The following ZNF385A variants were observed in gnomAD, a reference collection of about 807,000 sequenced individuals.
The protein encoded by ZNF385A is zinc finger protein 385A, also known as hematopoietic zinc finger protein.
ZNF385A carries 14 observed loss-of-function variants against 32.1 expected under a neutral mutation model. That is an observed-to-expected ratio of 0.44 (90% CI 0.29 to 0.68). The LOEUF is 0.68. Among genes scored for constraint, ZNF385A ranks in the 30% least tolerant of loss-of-function variants. The pLI is 0.14. For synonymous variants in ZNF385A, 197 were observed against 202.7 expected (o/e 0.97, Z 0.24); for missense variants, 406 against 478.4 (o/e 0.85, Z 1.41).
At chr12:54,376,930 G>T (rs1049657363) in intron 1 of ZNF385A, among the ~76,000 whole-genome samples, 18 of 152,230 alleles carry the variant, frequency 1.2e-4, no homozygotes, top group African/African-American at 4.3e-4. Context: ...GAAGATTGGG[G>T]GATGGCTGGG....
In ZNF385A at chr12:54,384,166, T is replaced by C. The variant is rs185055835; in HGVS notation, c.87+262A>G. Reference sequence around the variant, plus strand: ...TTCTCTAGATGGTAGGGCGATTCACTGTAGGACTAAATGAGATAATTCATA... The same window carrying C: ...TTCTCTAGATGGTAGGGCGATTCACCGTAGGACTAAATGAGATAATTCATA... On this transcript the variant is annotated intron_variant, in intron 1 of 6. Coordinates refer to ENST00000394313, the MANE Select transcript of ZNF385A (RefSeq NM_015481.3). Among the ~76,000 whole-genome samples, 88 of 152,334 alleles carry C rather than the reference T, an allele frequency of 5.8e-4. 1 individual carries two copies. The highest frequency in any genetic ancestry group is 6.9e-4 in the Non-Finnish European group (47 of 68,026).
chr12:54,370,417 C>G lies in ZNF385A; in HGVS notation c.940G>C (p.Val314Leu), dbSNP rs1247422271. The change falls in exon 7 of 7, where the codon GTG (valine) becomes CTG (leucine). Residue 314 changes from valine (V) to leucine (L), a missense_variant. By Grantham distance (32) the Val-to-Leu change is conservative. Coordinates refer to ENST00000394313, the MANE Select transcript of ZNF385A (RefSeq NM_015481.3). This position sits in a 1 kb window ranked among gnomAD's most constrained non-coding sequence, Gnocchi z 5.5. ...AGGLLPSPLA[V>L]AAVMAAAAGS... ...GCTGCCGCTGCCATCACTGCAGCCA[C>G]CGCCAGGGGGCTGGGGAGCAGGCCG... The G allele has an allele frequency of 5.2e-6, 8 of 1,546,066 alleles. No homozygotes were observed. The highest frequency in any genetic ancestry group is 7.0e-6 in the Non-Finnish European group (8 of 1,144,138).
At chr12:54,379,157 C>T (rs1183077782) in intron 1 of ZNF385A, 1 of 980,442 alleles carries the variant, frequency 1.0e-6, no homozygotes, top group Non-Finnish European at 1.2e-6. Flanking sequence ...AGGCCAGGGA[C>T]GCGGCGCTCG....
intron 1 of ZNF385A, among the ~76,000 whole-genome samples, chr12:54,383,477 G>A (rs1386441561): frequency 2.0e-5 from 3 of 152,002 alleles, no homozygotes; most frequent in South Asian, 4.1e-4. Context: ...GGCTTCCCTC[G>A]GGCCTGCATT....
chr12:54,375,745 C>T, intron 2 of ZNF385A, 99 bp downstream of exon 2: 2 of 1,008,902 alleles, frequency 2.0e-6, no homozygotes, highest in Admixed American at 1.9e-5. Context: ...CCCTGCCCCT[C>T]AACCAGAGTA....
intron 1 of ZNF385A, among the ~76,000 whole-genome samples, chr12:54,383,263 C>T (rs944703859): frequency 5.9e-5 from 9 of 152,232 alleles, no homozygotes; most frequent in African/African-American, 1.9e-4. Context: ...TCTTCCAACC[C>T]TCTGCCTCTG....
chr12:54,381,726 C>T (rs532820195), intron 1 of ZNF385A, among the ~76,000 whole-genome samples: 22 of 152,346 alleles, frequency 1.4e-4, no homozygotes, highest in Non-Finnish European at 2.8e-4. Flanking sequence ...TCTAAGACTA[C>T]TTTAAAAATC....
intron 1 of ZNF385A, 96 bp from the exon 2 acceptor site, chr12:54,376,050 A>C: frequency 1.1e-6 from 1 of 946,004 alleles, no homozygotes; most frequent in Non-Finnish European, 1.7e-6. Flanking sequence ...AGGTCCCCAG[A>C]CCCCTTCTAT....
intron 1 of ZNF385A, among the ~76,000 whole-genome samples, chr12:54,377,961 G>A (rs1203126968): frequency 2.0e-5 from 3 of 152,196 alleles, no homozygotes; most frequent in East Asian, 1.9e-4. Context: ...ACAGTACCCC[G>A]AGGATGACTT....
intron 1 of ZNF385A, among the ~76,000 whole-genome samples, chr12:54,378,119 G>C (rs895303899): frequency 6.6e-6 from 1 of 152,162 alleles, no homozygotes; most frequent in Non-Finnish European, 1.5e-5. Context: ...GTGGGGAGTG[G>C]GGAAGAGGGC....
At chr12:54,379,041 A>G in intron 1 of ZNF385A, 2 of 981,346 alleles carry the variant, frequency 2.0e-6, no homozygotes, top group Non-Finnish European at 2.4e-6. Context: ...GGAGTCAGGG[A>G]GAGAGGAGGG....
chr12:54,374,768 A>G (rs1187136490), intron 2 of ZNF385A, among the ~76,000 whole-genome samples: 1 of 152,126 alleles, frequency 6.6e-6, no homozygotes, highest in Non-Finnish European at 1.5e-5. Flanking sequence ...AAAAGTGGGA[A>G]GGGCTATCTG....
At chr12:54,389,811 T>TG (rs1363632400) in intron 1 of ZNF385A, among the ~76,000 whole-genome samples, 1 of 151,600 alleles carries the variant, frequency 6.6e-6, no homozygotes, top group Non-Finnish European at 1.5e-5. Context: ...CATAGAAGGG[T>TG]GGGTAATACC....
intron 1 of ZNF385A, among the ~76,000 whole-genome samples, chr12:54,379,917 T>C (rs1297042562): frequency 6.6e-6 from 1 of 152,208 alleles, no homozygotes; most frequent in Non-Finnish European, 1.5e-5. Context: ...CCCAGACACC[T>C]CGTTCTGTCT....
At position 54,380,294 on chromosome 12, in the gene ZNF385A, T is replaced by G. The variant is rs148217080; in HGVS notation, c.87+4134A>C. Among the ~76,000 whole-genome samples, 68 of 152,378 alleles carry G rather than the reference T, an allele frequency of 4.5e-4. 2 individuals are homozygous for G. The highest frequency in any genetic ancestry group is 1.4e-3 in the African/African-American group (58 of 41,590). The stretch of plus-strand genomic sequence containing the variant: ...TGAGCTCTTTGCATGGATTATCTAA[T>G]TTAATCTTCACAACCACTATTTGAA... On this transcript the variant is annotated intron_variant, in intron 1 of 6. Transcript: ENST00000394313.
chr12:54,387,322 G>T (rs1955515803), upstream of ZNF385A, among the ~76,000 whole-genome samples: 15 of 152,124 alleles, frequency 9.9e-5, no homozygotes, highest in Admixed American at 9.8e-4. Flanking sequence ...TCAAATGAGG[G>T]TACAGTGAGG....
chr12:54,379,193 G>T, intron 1 of ZNF385A: 4 of 981,680 alleles, frequency 4.1e-6, no homozygotes, highest in Non-Finnish European at 4.8e-6. Flanking sequence ...GGGGCTGTGC[G>T]GCCCGGCCGG....
At chr12:54,374,816 C>G (rs1954756728) in intron 2 of ZNF385A, among the ~76,000 whole-genome samples, 1 of 152,166 alleles carries the variant, frequency 6.6e-6, no homozygotes. Context: ...CCACCATCCA[C>G]CAGTGAGTGG....
intron 1 of ZNF385A, chr12:54,379,031 G>A: frequency 2.0e-6 from 2 of 983,168 alleles, no homozygotes; most frequent in Non-Finnish European, 2.4e-6. Flanking sequence ...GGCAGCCGCG[G>A]GAGTCAGGGA....
Sources: gnomAD v4.1 joint callset for allele counts (sites outside exome capture counted in the v4.1 genomes callset) on GRCh38, gnomAD v4.1.1 for gene constraint, Gnocchi (gnomAD v3.1) non-coding constraint, MANE v1.5 for transcripts, NCBI Gene and HGNC (gene_info 2026-07-23, HGNC 2026-07-21) for gene names.